SH2D1A: variants seen among roughly 807,000 people sequenced by gnomAD.
SH2D1A encodes the protein SH2 domain containing 1A, also known as SH2 domain-containing protein 1A.
A neutral mutation model predicts 10.1 loss-of-function variants in SH2D1A; 6 were observed. The observed-to-expected ratio is 0.60, with a 90% CI of 0.33 to 1.18. The LOEUF (loss-of-function observed/expected upper bound fraction) is 1.18, where lower values mean the gene tolerates loss of function less well. Ranked by LOEUF, SH2D1A falls within the 50% of genes most tolerant of loss-of-function variation. The probability of loss-of-function intolerance (pLI) is 0.04; values close to 1 mark genes in which losing one functional copy is unlikely to be tolerated. For synonymous variants in SH2D1A, 42 were observed against 36.9 expected (o/e 1.14, Z -0.51); for missense variants, 51 against 97.6 (o/e 0.52, Z 2.01).
intron 1 of SH2D1A, among the ~76,000 whole-genome samples, chrX:124,359,546 T>C (rs1398163231): frequency 8.9e-6 from 1 of 111,877 alleles, no homozygotes; most frequent in Non-Finnish European, 1.9e-5. Context: ...ACTTAAAGGC[T>C]TATGTTGAGT....
intron 1 of SH2D1A, among the ~76,000 whole-genome samples, chrX:124,362,647 T>A (rs932622942): frequency 1.8e-5 from 2 of 111,718 alleles, no homozygotes; most frequent in Admixed American, 9.6e-5. Flanking sequence ...GGACTTTAGA[T>A]TTTAAGTTGA....
chrX:124,366,790 A>T, intron 2 of SH2D1A, among the ~76,000 whole-genome samples: 1 of 110,364 alleles, frequency 9.1e-6, no homozygotes, highest in South Asian at 3.9e-4. Context: ...CTGTTTATTT[A>T]AAAAATTCTC....
chrX:124,367,683 G>T (rs2060059244), intron 2 of SH2D1A: 2 of 111,879 alleles, frequency 1.8e-5, no homozygotes, highest in Admixed American at 9.5e-5. Context: ...TTGTTTTAAA[G>T]AGTGTAATGA....
intron 2 of SH2D1A, among the ~76,000 whole-genome samples, chrX:124,366,962 G>A (rs1048552198): frequency 9.1e-6 from 1 of 109,467 alleles, no homozygotes; most frequent in East Asian, 2.9e-4. Flanking sequence ...TCTCCCCAGA[G>A]AAATACCCTT....
intron 1 of SH2D1A, among the ~76,000 whole-genome samples, chrX:124,363,916 A>AAAAAAAAAAAAAAAAAG (rs1569527532): frequency 1.2e-5 from 1 of 85,084 alleles, no homozygotes; most frequent in Non-Finnish European, 2.2e-5. Flanking sequence ...AAAAAAAAAA[A>AAAAAAAAAAAAAAAAAG]GAAAGAAAAA....
chrX:124,359,651 AAAAAGAC>A (rs1173754336), intron 1 of SH2D1A, among the ~76,000 whole-genome samples: 1 of 112,042 alleles, frequency 8.9e-6, no homozygotes, highest in Non-Finnish European at 1.9e-5. Context: ...TCAAGTGTTT[AAAAAGAC>A]AAAAGACTTT....
intron 1 of SH2D1A, among the ~76,000 whole-genome samples, chrX:124,357,083 T>C (rs1005486658): frequency 9.0e-6 from 1 of 111,343 alleles, no homozygotes; most frequent in African/African-American, 3.3e-5. Context: ...CTCTTGAACT[T>C]TTTCCTCCTA....
chrX:124,370,030 T>G, intron 2 of SH2D1A, 146 bp from the exon 3 acceptor site: 1 of 526,294 alleles, frequency 1.9e-6, no homozygotes, highest in Non-Finnish European at 3.4e-6. Context: ...TCTTCTGGAA[T>G]GTTGTTTTTC....
intron 1 of SH2D1A, chrX:124,353,315 C>T (rs1158423628): frequency 8.6e-6 from 1 of 115,965 alleles, no homozygotes; most frequent in African/African-American, 3.2e-5. Context: ...ATGTCTTATA[C>T]ATTTTTTGTT....
intron 2 of SH2D1A, among the ~76,000 whole-genome samples, chrX:124,368,517 A>G (rs775149639): frequency 1.8e-5 from 2 of 112,190 alleles, no homozygotes; most frequent in South Asian, 7.4e-4. Flanking sequence ...TCCACACTTT[A>G]GGTGTGTATA....
intron 1 of SH2D1A, among the ~76,000 whole-genome samples, chrX:124,354,302 TG>T (rs2060021590): frequency 9.0e-6 from 1 of 111,379 alleles, no homozygotes; most frequent in Non-Finnish European, 1.9e-5. Flanking sequence ...AGGGGGAGTC[TG>T]GGTTGATCTC....
At position 124,365,754 on chromosome X, in the gene SH2D1A, T is replaced by C; in HGVS notation, c.138-7T>C. 8.9e-6 allele frequency: 10 copies of C among 1,127,059 alleles called. No homozygotes were observed. The highest frequency in any genetic ancestry group is 1.2e-5 in the Non-Finnish European group (10 of 818,392). 92.9% of individuals were successfully genotyped at this position (1,127,059 alleles called of 1,213,427 possible). ...TCTTTCAGTAATGGAAGTTTATTCT[T>C]TCACAGGTATCACGGTTACATTTAT... On this transcript the variant is annotated splice_polypyrimidine_tract_variant and splice_region_variant and intron_variant, in intron 1 of 3. Transcript: ENST00000371139.
intron 1 of SH2D1A, among the ~76,000 whole-genome samples, chrX:124,350,469 TAA>T (rs2060008679): frequency 2.8e-5 from 1 of 36,061 alleles, no homozygotes; most frequent in African/African-American, 1.1e-4. Context: ...ATACTATATA[TAA>T]TATATAAATA....
Position 124,364,149 on chromosome X carries a change from T to C in SH2D1A, c.138-1612T>C, listed in dbSNP as rs772259216. Among the ~76,000 whole-genome samples, 218 of 110,386 alleles carry C rather than the reference T, an allele frequency of 2.0e-3. 1 individual carries two copies. Among genetic ancestry groups the C allele is most frequent in the African/African-American group, 3.3e-3 (101 of 30,434 alleles). On this transcript the variant is annotated intron_variant, in intron 1 of 3. Transcript: ENST00000371139. ...AAGGCATTCTGGAATATGAATATCATAGGAGATGACAGCTCCGTGTGTGTG... is the reference window on the plus strand; with the variant it reads ...AAGGCATTCTGGAATATGAATATCACAGGAGATGACAGCTCCGTGTGTGTG...
chrX:124,366,521 C>T (rs58251059), intron 2 of SH2D1A, among the ~76,000 whole-genome samples: 3,003 of 111,304 alleles, frequency 0.027, 114 homozygotes, highest in African/African-American at 0.092. Flanking sequence ...TGAAAATTGC[C>T]ACAACTCCTA....
chrX:124,357,550 T>A (rs772401924), intron 1 of SH2D1A, among the ~76,000 whole-genome samples: 31 of 112,010 alleles, frequency 2.8e-4, no homozygotes, highest in Non-Finnish European at 5.4e-4. Flanking sequence ...TATCTTTAAT[T>A]TTTTGAAGAA....
intron 1 of SH2D1A, among the ~76,000 whole-genome samples, chrX:124,356,474 GTC>G (rs2060026873): frequency 8.9e-6 from 1 of 112,273 alleles, no homozygotes; most frequent in Non-Finnish European, 1.9e-5. Context: ...TTGAGACGGA[GTC>G]TCTCTCTGTC....
chrX:124,347,523 C>T (rs2147519930), intron 1 of SH2D1A, among the ~76,000 whole-genome samples: 1 of 112,037 alleles, frequency 8.9e-6, no homozygotes, highest in African/African-American at 3.2e-5. Flanking sequence ...TCAAATTCAT[C>T]TGCGTCTTTG....
chrX:124,367,107 G>C (rs1012790252), intron 2 of SH2D1A, among the ~76,000 whole-genome samples: 1 of 111,616 alleles, frequency 9.0e-6, no homozygotes, highest in African/African-American at 3.3e-5. Flanking sequence ...TCATGTTAAA[G>C]AAGAGAGGGC....
Sources: gnomAD v4.1 joint callset for allele counts (sites outside exome capture counted in the v4.1 genomes callset) on GRCh38, gnomAD v4.1.1 for gene constraint, MANE v1.5 for transcripts, NCBI Gene and HGNC (gene_info 2026-07-23, HGNC 2026-07-21) for gene names.